The following SOX5 variants were observed in gnomAD, a reference collection of about 807,000 sequenced individuals.
SOX5 encodes the protein SRY-box transcription factor 5, also known as transcription factor SOX-5.
Under a neutral mutation model 92.0 loss-of-function variants are expected in SOX5, and 9 were observed. The observed-to-expected ratio is 0.10, with a 90% CI of 0.06 to 0.17. The LOEUF (loss-of-function observed/expected upper bound fraction) is 0.17, where lower values mean the gene tolerates loss of function less well. Among genes scored for constraint, SOX5 ranks in the 10% least tolerant of loss-of-function variants. SOX5 has a pLI of 1.00. For missense variants in SOX5, 642 were observed against 944.5 expected (o/e 0.68, Z 4.20); for synonymous variants, 344 against 336.3 (o/e 1.02, Z -0.25).
chr12:24,173,168 G>A (rs937298160), intron 4 of SOX5, among the ~76,000 whole-genome samples: 10 of 151,992 alleles, frequency 6.6e-5, no homozygotes, highest in African/African-American at 1.9e-4. Context: ...CCACCCTCTC[G>A]CACATGTGTA....
At chr12:23,940,375 A>G (rs1224812574) in intron 1 of SOX5, among the ~76,000 whole-genome samples, 1 of 151,230 alleles carries the variant, frequency 6.6e-6, no homozygotes, top group Admixed American at 6.6e-5. Flanking sequence ...CCTAATTGAC[A>G]GGTAAACTGA....
Position 23,970,947 on chromosome 12 carries a change from T to C in SOX5, c.-1-74923A>G, listed in dbSNP as rs1304605042. 2.2e-4 allele frequency among the ~76,000 whole-genome samples: 32 copies of C among 145,474 alleles called. No individual in the cohort carries two copies. The Admixed American group carries it at 2.2e-3, about 10-fold the overall frequency. On this transcript the variant is annotated intron_variant, in intron 4 of 4. Coordinates refer to the SOX5 transcript ENST00000446891. ...TGAGATTACAGGTGCATGCCAGCACTTGGCTCACAATGGTAATAGTATATT... is the reference window on the plus strand; with the variant it reads ...TGAGATTACAGGTGCATGCCAGCACCTGGCTCACAATGGTAATAGTATATT...
chr12:23,704,715 T>TAC (rs1373526853), intron 6 of SOX5, among the ~76,000 whole-genome samples: 20 of 108,378 alleles, frequency 1.8e-4, no homozygotes, highest in African/African-American at 6.4e-4. Context: ...TATATATATA[T>TAC]ACACACACAC....
chr12:23,966,578 A>C (rs1045292288), intron 4 of SOX5, among the ~76,000 whole-genome samples: 8 of 152,228 alleles, frequency 5.3e-5, no homozygotes, highest in African/African-American at 1.7e-4. Context: ...CCAGGTATAG[A>C]TATATATTGA....
chr12:24,421,401 A>T lies in SOX5; in HGVS notation c.-250-52762T>A, dbSNP rs1035129689. Reference sequence around the variant, plus strand: ...CTTGTATGTCACTAATTCATTTGTTACTAGCAGTTAAAATAGTTTCATGAT... The same window carrying T: ...CTTGTATGTCACTAATTCATTTGTTTCTAGCAGTTAAAATAGTTTCATGAT... On this transcript the variant is annotated intron_variant, in intron 1 of 4. Coordinates refer to the SOX5 transcript ENST00000446891. 2.6e-5 allele frequency among the ~76,000 whole-genome samples: 4 copies of T among 152,344 alleles called. No homozygotes were observed. The East Asian group carries it at 5.8e-4, about 22-fold the overall frequency.
chr12:23,577,191 A>ATATATATATATTT (rs71059907), intron 9 of SOX5, among the ~76,000 whole-genome samples: 2 of 61,390 alleles, frequency 3.3e-5, no homozygotes, highest in Non-Finnish European at 6.4e-5. Flanking sequence ...ATATATATAT[A>ATATATATATATTT]TTTTTTTTTT....
intron 4 of SOX5, among the ~76,000 whole-genome samples, chr12:24,208,673 A>G (rs1958272006): frequency 6.6e-6 from 1 of 152,166 alleles, no homozygotes; most frequent in African/African-American, 2.4e-5. Flanking sequence ...CATCGTATTC[A>G]TTTGGCTACA....
intron 4 of SOX5, among the ~76,000 whole-genome samples, chr12:23,977,074 T>A (rs918395574): frequency 7.9e-5 from 12 of 152,286 alleles, no homozygotes; most frequent in Admixed American, 3.3e-4. Flanking sequence ...ATTAAGTTCA[T>A]ACTTAGATAA....
At chr12:23,887,513 T>A (rs1390000048) in intron 2 of SOX5, among the ~76,000 whole-genome samples, 2 of 152,180 alleles carry the variant, frequency 1.3e-5, no homozygotes, top group Non-Finnish European at 1.5e-5. Flanking sequence ...GAGATAAAGA[T>A]GACCACCTAT....
At chr12:24,111,837 AT>A (rs1947385907) in intron 4 of SOX5, among the ~76,000 whole-genome samples, 2 of 152,064 alleles carry the variant, frequency 1.3e-5, no homozygotes, top group South Asian at 2.1e-4. Context: ...CTCATAAATT[AT>A]TTTTCCTTGA....
intron 6 of SOX5, among the ~76,000 whole-genome samples, chr12:23,702,403 G>C (rs903109861): frequency 1.3e-5 from 2 of 151,970 alleles, no homozygotes; most frequent in African/African-American, 4.8e-5. Context: ...CATCAAAGTT[G>C]GGTATTTAAC....
At chr12:23,950,926 G>T, upstream of SOX5, 1 of 1,515,938 alleles carries the variant, frequency 6.6e-7, no homozygotes, top group Non-Finnish European at 8.9e-7. Context: ...TGGTCAGGGA[G>T]TAAGCACACA....
chr12:23,639,146 T>C (rs529373483), intron 8 of SOX5, among the ~76,000 whole-genome samples: 8 of 152,074 alleles, frequency 5.3e-5, no homozygotes, highest in Non-Finnish European at 1.0e-4. Context: ...AGTGACAAAA[T>C]TGTTTATATT....
At chr12:23,608,251 G>A (rs1293416790) in intron 8 of SOX5, among the ~76,000 whole-genome samples, 1 of 151,666 alleles carries the variant, frequency 6.6e-6, no homozygotes, top group Non-Finnish European at 1.5e-5. Flanking sequence ...TAATGTGTTA[G>A]GGATTGGATG....
chr12:24,022,061 C>T (rs1954354243), intron 4 of SOX5, among the ~76,000 whole-genome samples: 1 of 150,934 alleles, frequency 6.6e-6, no homozygotes, highest in East Asian at 1.9e-4. Flanking sequence ...AGATAAAATG[C>T]TATCTAATAG....
At chr12:23,968,854 G>A (rs1194121570) in intron 4 of SOX5, among the ~76,000 whole-genome samples, 1 of 151,978 alleles carries the variant, frequency 6.6e-6, no homozygotes, top group Non-Finnish European at 1.5e-5. Flanking sequence ...TTGAATCTTC[G>A]AGATGCTTGG....
chr12:24,335,249 G>C (rs1351627389), intron 2 of SOX5, among the ~76,000 whole-genome samples: 1 of 123,502 alleles, frequency 8.1e-6, no homozygotes, highest in Non-Finnish European at 1.7e-5. Flanking sequence ...CAACTTCCTT[G>C]TAGCTATTTC....
intron 4 of SOX5, among the ~76,000 whole-genome samples, chr12:24,178,300 A>G (rs1955063474): frequency 7.6e-6 from 1 of 131,354 alleles, no homozygotes; most frequent in South Asian, 2.4e-4. Flanking sequence ...ATTTTTACAG[A>G]TTCTATTGTT....
At chr12:24,370,476 C>CA (rs57192965) in intron 1 of SOX5, among the ~76,000 whole-genome samples, 10,985 of 79,620 alleles carry the variant, frequency 0.14, 919 homozygotes, top group Non-Finnish European at 0.15. Flanking sequence ...GACTCCGTCT[C>CA]AAAAAAAAAA....
Sources: gnomAD v4.1 joint callset for allele counts (sites outside exome capture counted in the v4.1 genomes callset) on GRCh38, gnomAD v4.1.1 for gene constraint, MANE v1.5 for transcripts, NCBI Gene and HGNC (gene_info 2026-07-23, HGNC 2026-07-21) for gene names.